The following NUDT19 variants were observed in gnomAD, a reference collection of about 807,000 sequenced individuals.
NUDT19 encodes acyl-coenzyme A diphosphatase NUDT19.
In NUDT19, 31 loss-of-function variants were observed where a neutral mutation model predicts 22.2. That is an observed-to-expected ratio of 1.40 (90% CI 1.05 to 1.89). NUDT19 has a LOEUF of 1.89. Ranked by LOEUF, NUDT19 falls within the 40% of genes most tolerant of loss-of-function variation. NUDT19 has a pLI of 0.00. For synonymous variants in NUDT19, 325 were observed against 230.8 expected (o/e 1.41, Z -3.70); for missense variants, 752 against 514.2 (o/e 1.46, Z -4.47).
At chr19:32,707,058 G>A (rs1433219103) in intron 1 of NUDT19, among the ~76,000 whole-genome samples, 3 of 152,182 alleles carry the variant, frequency 2.0e-5, no homozygotes, top group South Asian at 2.1e-4. Context: ...GATTACAGGC[G>A]TGAGCCACTG....
intron 1 of NUDT19, among the ~76,000 whole-genome samples, chr19:32,703,772 C>T (rs1015574214): frequency 1.4e-5 from 2 of 148,012 alleles, no homozygotes; most frequent in Non-Finnish European, 3.0e-5. Context: ...AAGTGATTCT[C>T]CTGCCTCAGC....
At chr19:32,708,277 A>C (rs1241434086) in intron 1 of NUDT19, among the ~76,000 whole-genome samples, 2 of 151,436 alleles carry the variant, frequency 1.3e-5, no homozygotes, top group African/African-American at 2.4e-5. Context: ...AATACAAAAA[A>C]TTAGCCGGGT....
chr19:32,708,311 C>CAGTT (rs1968409440), intron 1 of NUDT19, among the ~76,000 whole-genome samples: 1 of 151,006 alleles, frequency 6.6e-6, no homozygotes, highest in South Asian at 2.1e-4. Context: ...CCTGTAGTCC[C>CAGTT]AGTTACTTGG....
In NUDT19 at chr19:32,693,603, GCAGAGTGCTGATTGGTCCATTTTTA is replaced by G. The variant is rs373966743; in HGVS notation, c.714+938_714+962del. Among the ~76,000 whole-genome samples the G allele has an allele frequency of 8.6e-3, 1,308 of 152,286 alleles. 37 individuals are homozygous for G. The East Asian group carries it at 0.1, about 12-fold the overall frequency. On this transcript the variant is annotated intron_variant, in intron 1 of 2. Coordinates refer to ENST00000397061, the MANE Select transcript of NUDT19 (RefSeq NM_001105570.2). Reference sequence around the variant, plus strand: ...CATGTCCTGCTGATTGGTCCATTTTGCAGAGTGCTGATTGGTCCATTTTTACAGAGTGCGGATTGGTGCGTTTACA... The same window carrying G: ...CATGTCCTGCTGATTGGTCCATTTTGCAGAGTGCGGATTGGTGCGTTTACA...
Position 32,692,855 on chromosome 19 carries a change from A to C in NUDT19, c.714+181A>C, listed in dbSNP as rs913821005. 7.9e-5 allele frequency among the ~76,000 whole-genome samples: 12 copies of C among 152,348 alleles called. 1 individual carries two copies. The highest frequency in any genetic ancestry group is 1.9e-4 in the African/African-American group (8 of 41,586). The stretch of plus-strand genomic sequence containing the variant: ...TAGACCAAAGCCATGCTCTTGGTGA[A>C]GTGCTCTCTGCTTTCCTAGGCTTTG... On this transcript the variant is annotated intron_variant, in intron 1 of 2. Transcript: ENST00000397061.
At chr19:32,708,660 C>T (rs750563261) in intron 1 of NUDT19, among the ~76,000 whole-genome samples, 15 of 152,256 alleles carry the variant, frequency 9.9e-5, no homozygotes, top group Non-Finnish European at 1.9e-4. Flanking sequence ...GCTCCTGATG[C>T]TTCACCGCCG....
At chr19:32,700,398 A>C (rs1409942258) in intron 1 of NUDT19, among the ~76,000 whole-genome samples, 3 of 152,124 alleles carry the variant, frequency 2.0e-5, no homozygotes, top group African/African-American at 7.2e-5. Flanking sequence ...CTTGAGCTAG[A>C]CACAGAGTGC....
At position 32,712,410 on chromosome 19, in the gene NUDT19, G is replaced by T; in HGVS notation, c.*453G>T. ...TTTTTTTTTTTTTTTTTTTGAGACA[G>T]AGTGTCTCACTCTTGCCCAGAACCC... On this transcript the variant is annotated 3_prime_UTR_variant, in exon 3 of 3. Transcript: ENST00000397061. 1 of 86,928 alleles carries T rather than the reference G, an allele frequency of 1.2e-5. No individual in the cohort carries two copies. Among genetic ancestry groups the T allele is most frequent in the Non-Finnish European group, 2.0e-5 (1 of 49,464 alleles). The allele number at this position is 86,928 out of a possible 1,614,324, so 5.4% of individuals were successfully genotyped here. A position where few individuals can be genotyped will look rare whatever the true frequency, so the allele number is the denominator to read the frequency against.
At chr19:32,701,199 GTTTTTTTTTTT>G (rs3042685) in intron 1 of NUDT19, among the ~76,000 whole-genome samples, 1 of 101,032 alleles carries the variant, frequency 9.9e-6, no homozygotes, top group Non-Finnish European at 1.8e-5. Context: ...CATCTTGCAG[GTTTTTTTTTTT>G]TTTTTTTTTT....
At position 32,692,602 on chromosome 19, in the gene NUDT19, G is replaced by A. The variant is rs1279072697; in HGVS notation, c.642G>A (p.Thr214=). 3.8e-6 allele frequency: 6 copies of A among 1,575,018 alleles called. No individual in the cohort carries two copies. The South Asian group carries it at 5.8e-5, about 15-fold the overall frequency. ...FLRGTTRRFD[T]AFFLCCLREP... ...GGGGCACCACTCGCCGCTTTGACAC[G>A]GCCTTCTTCCTGTGCTGCCTGCGCG... The change falls in exon 1 of 3, where the codon ACG becomes ACA. Residue 214 remains threonine, a synonymous_variant. Coordinates refer to ENST00000397061, the MANE Select transcript of NUDT19 (RefSeq NM_001105570.2).
At chr19:32,693,506 C>T (rs12609866) in intron 1 of NUDT19, among the ~76,000 whole-genome samples, 27,545 of 152,152 alleles carry the variant, frequency 0.18, 2,604 homozygotes, top group African/African-American at 0.22. Context: ...CCTCCCACAG[C>T]GGAAGGGGAT....
Position 32,692,238 on chromosome 19 carries a change from C to G in NUDT19, c.278C>G (p.Pro93Arg), listed in dbSNP as rs750634623. 1.3e-6 allele frequency: 2 copies of G among 1,590,080 alleles called. No individual in the cohort carries two copies. The highest frequency in any genetic ancestry group is 1.4e-5 in the African/African-American group (1 of 73,406). The part of the protein sequence containing the change: ...HHGPPRFGLG[P>R]APFSRTAFPS... ...GGGCCGCCGCGCTTCGGCCTGGGCC[C>G]GGCGCCATTCAGCCGCACCGCTTTC... The change falls in exon 1 of 3, where the codon CCG becomes CGG. Residue 93 changes from proline (P) to arginine (R), a missense_variant. By Grantham distance (103) the Pro-to-Arg change is moderately radical. Transcript: ENST00000397061.
chr19:32,706,815 G>A (rs776442641), intron 1 of NUDT19, among the ~76,000 whole-genome samples: 11 of 152,164 alleles, frequency 7.2e-5, no homozygotes, highest in South Asian at 6.2e-4. Flanking sequence ...GATTTCATGC[G>A]TCCACTAGGG....
intron 1 of NUDT19, among the ~76,000 whole-genome samples, chr19:32,705,922 C>T (rs1455754131): frequency 6.6e-6 from 1 of 152,056 alleles, no homozygotes; most frequent in African/African-American, 2.4e-5. Flanking sequence ...CTCATAAGGT[C>T]TACTTGAGTG....
chr19:32,697,046 T>C (rs1968271917), intron 1 of NUDT19, among the ~76,000 whole-genome samples: 1 of 152,162 alleles, frequency 6.6e-6, no homozygotes, highest in African/African-American at 2.4e-5. Flanking sequence ...AGCTTGTTTC[T>C]CATAGGACAA....
intron 1 of NUDT19, among the ~76,000 whole-genome samples, chr19:32,696,681 G>A (rs1396908013): frequency 6.6e-6 from 1 of 152,162 alleles, no homozygotes; most frequent in South Asian, 2.1e-4. Flanking sequence ...AACAAGAAAG[G>A]CATGTGAAAG....
In NUDT19 at chr19:32,692,543, C is replaced by T. The variant is rs1468397714; in HGVS notation, c.583C>T (p.His195Tyr). Residue 195 changes from histidine (H) to tyrosine (Y), a missense_variant, in exon 1 of 3, where the codon CAC becomes TAC. Coordinates refer to ENST00000397061, the MANE Select transcript of NUDT19 (RefSeq NM_001105570.2). ...LDCTPDIWAL[H>Y]NWSAWLTPFL... The stretch of plus-strand genomic sequence containing the variant: ...CTGCACACCCGACATCTGGGCGCTG[C>T]ACAACTGGAGCGCCTGGCTCACCCC... The T allele has an allele frequency of 5.0e-6, 8 of 1,594,888 alleles. No individual in the cohort carries two copies. The highest frequency in any genetic ancestry group is 6.8e-6 in the Non-Finnish European group (8 of 1,172,824).
chr19:32,711,488 A>C lies in NUDT19; in HGVS notation c.923-264A>C, dbSNP rs570728996. Among the ~76,000 whole-genome samples, 44 of 152,198 alleles carry C rather than the reference A, an allele frequency of 2.9e-4. No homozygotes were observed. In the South Asian group the frequency reaches 7.9e-3, roughly 27 times the overall value. On this transcript the variant is annotated intron_variant, in intron 2 of 2. Transcript: ENST00000397061. Reference sequence around the variant, plus strand: ...AAAAAACAGATAAAAAAACACAATAAAGAAATTGAGGTAAGCTCATAGAAT... The same window carrying C: ...AAAAAACAGATAAAAAAACACAATACAGAAATTGAGGTAAGCTCATAGAAT...
intron 1 of NUDT19, among the ~76,000 whole-genome samples, chr19:32,693,459 C>G (rs1968227138): frequency 1.3e-5 from 2 of 152,194 alleles, no homozygotes; most frequent in African/African-American, 2.4e-5. Context: ...AAGGAGTGAG[C>G]AGCAGCAAGA....
Sources: allele counts gnomAD v4.1 joint callset (sites outside exome capture counted in the v4.1 genomes callset), GRCh38; gene constraint gnomAD v4.1.1; transcripts MANE v1.5; gene names NCBI Gene and HGNC (gene_info 2026-07-23, HGNC 2026-07-21).